Variants in ARID2 observed in about 807,000 individuals in gnomAD.
ARID2 encodes AT-rich interactive domain-containing protein 2.
ARID2 carries 32 observed loss-of-function variants against 184.6 expected under a neutral mutation model. The ratio of observed to expected loss-of-function variants is 0.17; its 90% CI spans 0.13 to 0.23. The LOEUF (loss-of-function observed/expected upper bound fraction) is 0.23. Ranked by LOEUF, ARID2 falls within the 10% of genes least tolerant of loss-of-function variation. The pLI is 1.00. For missense variants in ARID2, 1,696 were observed against 2,197.6 expected (o/e 0.77, Z 4.56); for synonymous variants, 836 against 772.6 (o/e 1.08, Z -1.36).
chr12:45,849,375 G>A (rs1184391680), intron 13 of ARID2, among the ~76,000 whole-genome samples: 1 of 152,054 alleles, frequency 6.6e-6, no homozygotes, highest in Non-Finnish European at 1.5e-5. Flanking sequence ...AAAACCCAGC[G>A]ACATTGTTAA....
chr12:45,876,793 TAA>T (rs569976302), intron 16 of ARID2, among the ~76,000 whole-genome samples: 40 of 129,042 alleles, frequency 3.1e-4, no homozygotes, highest in Admixed American at 3.9e-4. Flanking sequence ...AACCTTCAAT[TAA>T]AAAAAAAAAA....
At chr12:45,857,051 A>G (rs1050555104) in intron 15 of ARID2, among the ~76,000 whole-genome samples, 6 of 152,208 alleles carry the variant, frequency 3.9e-5, no homozygotes, top group Non-Finnish European at 7.3e-5. Context: ...CAAAAACTTA[A>G]CATAAGACTT....
At position 45,765,647 on chromosome 12, in the gene ARID2, AT is replaced by A. The variant is rs1261456596; in HGVS notation, c.284+34335del. On this transcript the variant is annotated intron_variant, in intron 3 of 20. Coordinates refer to ENST00000334344, the MANE Select transcript of ARID2 (RefSeq NM_152641.4). ...TCTTTTTATTCTCTCTTCAGTAAGC[AT>A]TATTGAGATATATAATTGATGTACA... 3.3e-5 allele frequency among the ~76,000 whole-genome samples: 5 copies of A among 152,058 alleles called. No individual in the cohort carries two copies. The East Asian group carries it at 7.7e-4, about 23-fold the overall frequency.
intron 2 of ARID2, among the ~76,000 whole-genome samples, chr12:45,730,799 G>C (rs1049055786): frequency 2.6e-5 from 4 of 151,818 alleles, no homozygotes. Context: ...GAGAGGGATC[G>C]GAATCGGCCC....
In ARID2 at chr12:45,850,268, G is replaced by A. The variant is rs780439735; in HGVS notation, c.2145G>A (p.Lys715=). 4.3e-6 allele frequency: 7 copies of A among 1,614,122 alleles called. No individual in the cohort carries two copies. The South Asian group carries it at 7.7e-5, about 18-fold the overall frequency. Residue 715 remains lysine, a synonymous_variant, in exon 15 of 21, where the codon AAG becomes AAA. Coordinates refer to ENST00000334344, the MANE Select transcript of ARID2 (RefSeq NM_152641.4). ...CTCCAATTCCTTGTGAAGTTGTTAAGGCTACAGTTATCCAGAATTCCATAC... is the reference window on the plus strand; with the variant it reads ...CTCCAATTCCTTGTGAAGTTGTTAAAGCTACAGTTATCCAGAATTCCATAC... ...SKAPIPCEVV[K]ATVIQNSIPQ... is the part of the protein sequence containing the mutation.
At chr12:45,783,023 A>G (rs181456711) in intron 3 of ARID2, among the ~76,000 whole-genome samples, 1 of 151,998 alleles carries the variant, frequency 6.6e-6, no homozygotes, top group African/African-American at 2.4e-5. Flanking sequence ...CTACTGAACT[A>G]CGGGGGAGGC....
At chr12:45,843,836 A>C (rs1943395449) in intron 11 of ARID2, among the ~76,000 whole-genome samples, 2 of 152,150 alleles carry the variant, frequency 1.3e-5, no homozygotes, top group African/African-American at 4.8e-5. Context: ...GATAGTTTTT[A>C]TTAACAAAAG....
At chr12:45,740,426 C>G (rs559337551) in intron 3 of ARID2, among the ~76,000 whole-genome samples, 1 of 152,034 alleles carries the variant, frequency 6.6e-6, no homozygotes, top group South Asian at 2.1e-4. Flanking sequence ...CACACTCATA[C>G]ACACACTATC....
intron 3 of ARID2, among the ~76,000 whole-genome samples, chr12:45,736,985 G>A (rs1385890011): frequency 6.6e-6 from 1 of 152,108 alleles, no homozygotes; most frequent in East Asian, 1.9e-4. Flanking sequence ...CCTAAGAGAT[G>A]CACAACTATA....
Position 45,738,779 on chromosome 12 carries a change from C to CTTT in ARID2, c.284+7497_284+7499dup, listed in dbSNP as rs11333868. On this transcript the variant is annotated intron_variant, in intron 3 of 20. Coordinates refer to ENST00000334344, the MANE Select transcript of ARID2 (RefSeq NM_152641.4). The stretch of plus-strand genomic sequence containing the variant: ...TTTTCTTCCTGGGGCATATGGGCTA[C>CTTT]TTTTTTTTTTTTTTTTTTTTTTTTT... Among the ~76,000 whole-genome samples, 491 of 62,178 alleles carry CTTT rather than the reference C, an allele frequency of 7.9e-3. 58 individuals are homozygous for CTTT. Among genetic ancestry groups the CTTT allele is most frequent in the African/African-American group, 0.014 (165 of 11,686 alleles). 40.8% of individuals were successfully genotyped at this position (62,178 alleles called of 152,430 possible). A position where few individuals can be genotyped will look rare whatever the true frequency, so the allele number is the denominator to read the frequency against.
chr12:45,861,130 A>G (rs1185391338), intron 16 of ARID2, among the ~76,000 whole-genome samples, 181 bp downstream of exon 16: 1 of 152,248 alleles, frequency 6.6e-6, no homozygotes, highest in African/African-American at 2.4e-5. Flanking sequence ...TTTATATATA[A>G]GTGATGGAAA....
intron 4 of ARID2, among the ~76,000 whole-genome samples, chr12:45,817,167 G>A (rs1942818079): frequency 2.0e-5 from 3 of 152,178 alleles, no homozygotes; most frequent in Non-Finnish European, 2.9e-5. Flanking sequence ...ACACCAGCCC[G>A]GGCAACATAG....
rs2138162412 is a variant in ARID2, at chr12:45,850,486, C to A, written c.2363C>A (p.Pro788His). 2 of 1,614,000 alleles carry A rather than the reference C, an allele frequency of 1.2e-6. No homozygotes were observed. Among genetic ancestry groups the A allele is most frequent in the Non-Finnish European group, 1.7e-6 (2 of 1,179,976 alleles). The change falls in exon 15 of 21, where the codon CCT becomes CAT. Residue 788 changes from proline (P) to histidine (H), a missense_variant. By Grantham distance (77) the Pro-to-His change is moderately conservative (BLOSUM62 -2). This residue lies in a region of ARID2 where 713 missense variants were observed against 824.4 expected (regional missense o/e 0.86). Coordinates refer to ENST00000334344, the MANE Select transcript of ARID2 (RefSeq NM_152641.4). The part of the protein sequence containing the change: ...VVPGQIPSGT[P>H]VTVIQQAVPQ... ...CCAGGACAGATCCCTTCAGGCACTC[C>A]TGTTACAGTAATTCAACAAGCTGTC... is the stretch of plus-strand genomic sequence containing the variant.
At chr12:45,780,267 T>G (rs912323883) in intron 3 of ARID2, among the ~76,000 whole-genome samples, 1 of 152,174 alleles carries the variant, frequency 6.6e-6, no homozygotes, top group Admixed American at 6.5e-5. Flanking sequence ...TCTTGAAAAT[T>G]AAAATAACCA....
At chr12:45,832,382 T>G (rs1943138091) in intron 6 of ARID2, among the ~76,000 whole-genome samples, 2 of 152,216 alleles carry the variant, frequency 1.3e-5, no homozygotes, top group African/African-American at 4.8e-5. Flanking sequence ...GGGGTTCATT[T>G]AGTTTCTTGG....
intron 5 of ARID2, among the ~76,000 whole-genome samples, chr12:45,819,059 G>A (rs1042567666): frequency 6.6e-6 from 1 of 152,058 alleles, no homozygotes; most frequent in South Asian, 2.1e-4. Flanking sequence ...AGCATTTATT[G>A]TAGAATGGAG....
intron 10 of ARID2, 96 bp from the exon 11 acceptor site, chr12:45,839,233 C>A: frequency 8.8e-7 from 1 of 1,137,668 alleles, no homozygotes; most frequent in Non-Finnish European, 1.2e-6. Context: ...AGCATTTATT[C>A]ACATTGATAA....
Position 45,831,981 on chromosome 12 carries a change from G to A in ARID2, c.706-4608G>A, listed in dbSNP as rs543187852. The stretch of plus-strand genomic sequence containing the variant: ...TTTTTTCTGTGTTTTTATACATAGC[G>A]TTTCTTTAGATACCATATAGTTAGC... On this transcript the variant is annotated intron_variant, in intron 6 of 20. Transcript: ENST00000334344. Among the ~76,000 whole-genome samples the A allele has an allele frequency of 5.3e-5, 8 of 151,926 alleles. No individual in the cohort carries two copies. The South Asian group carries it at 8.3e-4, about 16-fold the overall frequency.
intron 3 of ARID2, among the ~76,000 whole-genome samples, chr12:45,805,087 G>T (rs187583102): frequency 6.6e-6 from 1 of 151,900 alleles, no homozygotes; most frequent in Non-Finnish European, 1.5e-5. Flanking sequence ...TTCCTTTATG[G>T]ATGTTTGTGT....
Sources: gnomAD v4.1 joint callset for allele counts (sites outside exome capture counted in the v4.1 genomes callset) on GRCh38, gnomAD v4.1.1 for gene constraint, gnomAD v4.1.1 regional missense constraint, MANE v1.5 for transcripts, NCBI Gene and HGNC (gene_info 2026-07-23, HGNC 2026-07-21) for gene names.